CSMD2: variants seen among roughly 807,000 people sequenced by gnomAD.
CSMD2 encodes CUB and sushi domain-containing protein 2.
A neutral mutation model predicts 398.5 loss-of-function variants in CSMD2; 130 were observed. The observed-to-expected ratio is 0.33, with a 90% confidence interval of 0.28 to 0.38. The LOEUF (loss-of-function observed/expected upper bound fraction) is 0.38. CSMD2 is among the 10% of genes least tolerant of loss of function. CSMD2 has a pLI of 1.00. For missense variants in CSMD2, 3,829 were observed against 4,764.9 expected (o/e 0.80, Z 5.78); for synonymous variants, 1,828 against 1,908.5 (o/e 0.96, Z 1.10).
chr1:33,611,004 T>G (rs886159588), intron 41 of CSMD2, 37 bp downstream of exon 41: 1 of 1,588,488 alleles, frequency 6.3e-7, no homozygotes, highest in African/African-American at 1.3e-5. Flanking sequence ...GAGATGGAGA[T>G]AGACAGAGAA....
intron 14 of CSMD2, among the ~76,000 whole-genome samples, chr1:33,742,132 T>C (rs531595605): frequency 2.0e-5 from 3 of 152,290 alleles, no homozygotes; most frequent in South Asian, 4.2e-4. Flanking sequence ...CCACAGCAGA[T>C]GAAACAGGAA....
At chr1:33,737,808 A>G (rs1646932329) in intron 15 of CSMD2, among the ~76,000 whole-genome samples, 1 of 152,238 alleles carries the variant, frequency 6.6e-6, no homozygotes, top group Non-Finnish European at 1.5e-5. Context: ...TATGAGGCCA[A>G]GGAAGATTCC....
Position 33,872,584 on chromosome 1 carries a change from T to C in CSMD2, c.921-25588A>G, listed in dbSNP as rs139056532. On this transcript the variant is annotated intron_variant, in intron 5 of 70. Transcript: ENST00000373381. ...TTCAAGAGGCTCAGGTTGAAAAGTT[T>C]AGTTCTCAAAGAAATTTGTGGGTTT... Among the ~76,000 whole-genome samples, 1,261 of 152,242 alleles carry C rather than the reference T, an allele frequency of 8.3e-3. 13 individuals are homozygous for C. Among genetic ancestry groups the C allele is most frequent in the African/African-American group, 0.028 (1,162 of 41,534 alleles).
chr1:33,952,708 A>ATG (rs1483355963), intron 3 of CSMD2, among the ~76,000 whole-genome samples: 11 of 151,314 alleles, frequency 7.3e-5, no homozygotes, highest in African/African-American at 2.7e-4. Flanking sequence ...ACACATGCAC[A>ATG]CACACAAACA....
In CSMD2 at chr1:33,519,140, A is replaced by C. The variant is rs2148516784; in HGVS notation, c.*53+325T>G. Among the ~76,000 whole-genome samples the C allele has an allele frequency of 6.6e-6, 1 of 152,238 alleles. No homozygotes were observed. Among genetic ancestry groups the C allele is most frequent in the Admixed American group, 6.5e-5 (1 of 15,290 alleles). On this transcript the variant is annotated intron_variant, in intron 70 of 70. Coordinates refer to ENST00000373381, the MANE Select transcript of CSMD2 (RefSeq NM_001281956.2). The surrounding 1 kb of genome is among the most constrained non-coding windows in gnomAD (Gnocchi z 5.6). ...CCCAGGGGTGAGGAGCAGTTTCTGGAGCCAGTCAGCCTGGGATTGGATTTC... is the reference window on the plus strand; with the variant it reads ...CCCAGGGGTGAGGAGCAGTTTCTGGCGCCAGTCAGCCTGGGATTGGATTTC...
At position 33,864,092 on chromosome 1, in the gene CSMD2, C is replaced by T. The variant is rs147811016; in HGVS notation, c.921-17096G>A. On this transcript the variant is annotated intron_variant, in intron 5 of 70. Transcript: ENST00000373381. ...TACAGCTCTTGCAGACAGAAAAATTCGCTGCAAGTACAGCACTTTCTAGAT... is the reference window on the plus strand; with the variant it reads ...TACAGCTCTTGCAGACAGAAAAATTTGCTGCAAGTACAGCACTTTCTAGAT... The T allele has an allele frequency of 3.4e-3, 3,902 of 1,158,720 alleles. 16 individuals are homozygous for T. Among genetic ancestry groups the T allele is most frequent in the Middle Eastern group, 7.2e-3 (24 of 3,314 alleles). The allele number at this position is 1,158,720 out of a possible 1,614,324, so 71.8% of individuals were successfully genotyped here.
intron 25 of CSMD2, among the ~76,000 whole-genome samples, chr1:33,676,665 C>A (rs1181815266): frequency 6.6e-6 from 1 of 152,040 alleles, no homozygotes; most frequent in Non-Finnish European, 1.5e-5. Context: ...AATCCTAAGC[C>A]AAAAGAACAA....
intron 5 of CSMD2, among the ~76,000 whole-genome samples, chr1:33,872,247 C>T (rs896835822): frequency 6.6e-6 from 1 of 152,030 alleles, no homozygotes; most frequent in African/African-American, 2.4e-5. Flanking sequence ...TTTCTTCTTA[C>T]TGCTTATGTG....
At chr1:33,804,492 G>T (rs1235400505) in intron 10 of CSMD2, among the ~76,000 whole-genome samples, 2 of 151,816 alleles carry the variant, frequency 1.3e-5, no homozygotes, top group African/African-American at 4.8e-5. Context: ...CCAGTTAGCA[G>T]CTCTTCCCTG....
At chr1:33,895,160 C>T (rs1642293767) in intron 5 of CSMD2, among the ~76,000 whole-genome samples, 1 of 152,166 alleles carries the variant, frequency 6.6e-6, no homozygotes, top group Non-Finnish European at 1.5e-5. Flanking sequence ...TTGACAACAG[C>T]CCTAAGAAAT....
chr1:33,761,010 C>T (rs1649754787), intron 13 of CSMD2, among the ~76,000 whole-genome samples: 2 of 152,192 alleles, frequency 1.3e-5, no homozygotes, highest in South Asian at 4.1e-4. Context: ...TCTGACAAAA[C>T]TCCCCATTTG....
intron 55 of CSMD2, among the ~76,000 whole-genome samples, chr1:33,551,021 G>A (rs1657395828): frequency 6.6e-6 from 1 of 152,196 alleles, no homozygotes; most frequent in Non-Finnish European, 1.5e-5. Context: ...CATTTATTGA[G>A]TCCCTGTCAT....
At chr1:33,621,396 T>C (rs992507398) in intron 37 of CSMD2, among the ~76,000 whole-genome samples, 1 of 152,222 alleles carries the variant, frequency 6.6e-6, no homozygotes, top group African/African-American at 2.4e-5. Context: ...AGAGCACCTG[T>C]AATGCTGTCA....
intron 5 of CSMD2, among the ~76,000 whole-genome samples, chr1:33,871,963 G>A (rs971381302): frequency 5.3e-5 from 8 of 152,110 alleles, no homozygotes; most frequent in African/African-American, 1.9e-4. Context: ...TTAATCCATG[G>A]ATGGATTAAC....
chr1:34,091,165 T>C (rs7513906), intron 1 of CSMD2, among the ~76,000 whole-genome samples: 2,706 of 152,298 alleles, frequency 0.018, 48 homozygotes, highest in East Asian at 0.052. Context: ...GTTTCACAAG[T>C]ATCTGTCTTC....
chr1:33,978,819 T>C (rs936773844), intron 3 of CSMD2, among the ~76,000 whole-genome samples: 1 of 152,230 alleles, frequency 6.6e-6, no homozygotes, highest in African/African-American at 2.4e-5. Flanking sequence ...TAACATTTAT[T>C]GCATGTCTAT....
chr1:33,950,473 G>A (rs1045563699), intron 3 of CSMD2, among the ~76,000 whole-genome samples: 1 of 151,616 alleles, frequency 6.6e-6, no homozygotes, highest in African/African-American at 2.4e-5. Context: ...ACATGAGCAT[G>A]TGTGTGTCTA....
chr1:33,645,126 C>T (rs74774956), intron 29 of CSMD2, among the ~76,000 whole-genome samples: 1,627 of 151,776 alleles, frequency 0.011, 33 homozygotes, highest in African/African-American at 0.038. Context: ...CAGGGGTGGC[C>T]GGAAATATTT....
intron 28 of CSMD2, among the ~76,000 whole-genome samples, chr1:33,651,884 T>C (rs1184589500): frequency 6.6e-6 from 1 of 151,948 alleles, no homozygotes; most frequent in Non-Finnish European, 1.5e-5. Context: ...TGAAGAGCTT[T>C]TCTGTAGCAG....
Sources: gnomAD v4.1 joint callset for allele counts (sites outside exome capture counted in the v4.1 genomes callset) on GRCh38, gnomAD v4.1.1 for gene constraint, Gnocchi (gnomAD v3.1) non-coding constraint, MANE v1.5 for transcripts, NCBI Gene and HGNC (gene_info 2026-07-23, HGNC 2026-07-21) for gene names.